EXPH5: variants seen among roughly 807,000 people sequenced by gnomAD.
EXPH5 encodes the protein exophilin-5.
EXPH5 carries 42 observed loss-of-function variants against 41.1 expected under a neutral mutation model. The ratio of observed to expected loss-of-function variants is 1.02; its 90% confidence interval spans 0.80 to 1.32. EXPH5 has a LOEUF of 1.32. Ranked by LOEUF, EXPH5 falls within the 40% of genes most tolerant of loss-of-function variation. EXPH5 has a pLI of 0.00. For synonymous variants in EXPH5, 798 were observed against 833.5 expected (o/e 0.96, Z 0.73); for missense variants, 2,298 against 2,314.5 (o/e 0.99, Z 0.15).
rs1565782065 is a variant in EXPH5 at position 108,514,604 on chromosome 11, C to T, written c.903G>A (p.Arg301=). 1 of 1,613,770 alleles carries T rather than the reference C, an allele frequency of 6.2e-7. No homozygotes were observed. The highest frequency in any genetic ancestry group is 8.5e-7 in the Non-Finnish European group (1 of 1,179,866). The part of the protein sequence containing the change: ...TSTIYDMYRT[R]EPRVFKEDYV... ...AATCTTCTTTAAAGACTCTGGGCTC[C>T]CTTGTCCTATACATATCATAAATTG... Residue 301 remains arginine (R), a synonymous_variant, in exon 6 of 6, where the codon AGG becomes AGA. Coordinates refer to ENST00000265843, the MANE Select transcript of EXPH5 (RefSeq NM_015065.3).
In EXPH5 at chr11:108,509,777, T is replaced by C. The variant is rs915659323; in HGVS notation, c.5730A>G (p.Leu1910=). The C allele has an allele frequency of 9.9e-6, 16 of 1,608,418 alleles. No individual in the cohort carries two copies. The highest frequency in any genetic ancestry group is 1.4e-5 in the Non-Finnish European group (16 of 1,178,576). ...GGTTCTTAAGAAAACTTGGTTTCCA[T>C]AATCTTCCTTGTGTAAGTGACCTCT... ...NVKRSLTQGR[L]WKPSFLKNPG... The change falls in exon 6 of 6, where the codon TTA becomes TTG. Residue 1910 remains leucine (L), a synonymous_variant. Transcript: ENST00000265843.
chr11:108,514,395 AT>A lies in EXPH5; in HGVS notation c.1111del (p.Ile371SerfsTer19). The A allele has an allele frequency of 6.2e-7, 1 of 1,614,068 alleles. No individual in the cohort carries two copies. Among genetic ancestry groups the A allele is most frequent in the Non-Finnish European group, 8.5e-7 (1 of 1,179,990 alleles). On this transcript the variant is annotated frameshift_variant, in exon 6 of 6. Transcript: ENST00000265843. LOFTEE classifies it low-confidence loss of function (END_TRUNC). ...AGAGGAATCTGATCTGTTCCATATGATGGATGATAAAGGAGTTCTCTTTGGA... is the reference window on the plus strand; with the variant it reads ...AGAGGAATCTGATCTGTTCCATATGAGGATGATAAAGGAGTTCTCTTTGGA... ...QSPKRTPLSS[I>X]IWNRSDSSRD...
At chr11:108,534,684 C>G (rs2093867537) in intron 3 of EXPH5, among the ~76,000 whole-genome samples, 1 of 152,202 alleles carries the variant, frequency 6.6e-6, no homozygotes, top group Non-Finnish European at 1.5e-5. Context: ...GTTTTCCTGG[C>G]AGGAACATCA....
chr11:108,519,941 ACT>A (rs2093754058), intron 4 of EXPH5, among the ~76,000 whole-genome samples: 1 of 96,598 alleles, frequency 1.0e-5, no homozygotes, highest in Non-Finnish European at 2.0e-5. Context: ...ACAGAGGGAG[ACT>A]CTGTCTCAAA....
intron 1 of EXPH5, among the ~76,000 whole-genome samples, chr11:108,586,033 G>A (rs2094111933): frequency 6.6e-6 from 1 of 152,188 alleles, no homozygotes; most frequent in South Asian, 2.1e-4. Context: ...CCACCTCCCA[G>A]GTTGAAGTGA....
At chr11:108,598,295 T>C (rs1265736762), upstream of EXPH5, among the ~76,000 whole-genome samples, 6 of 152,190 alleles carry the variant, frequency 3.9e-5, no homozygotes, top group Non-Finnish European at 8.8e-5. Flanking sequence ...TTCATCTTCA[T>C]CTAAGAAATA....
At chr11:108,518,457 G>T in intron 4 of EXPH5, 84 bp from the exon 5 acceptor site, 3 of 1,255,922 alleles carry the variant, frequency 2.4e-6, no homozygotes, top group Non-Finnish European at 3.4e-6. Flanking sequence ...ACTGTCCCAA[G>T]CTTAAAAGTA....
chr11:108,516,263 C>G (rs1486465023), intron 5 of EXPH5, among the ~76,000 whole-genome samples: 1 of 151,896 alleles, frequency 6.6e-6, no homozygotes, highest in Non-Finnish European at 1.5e-5. Flanking sequence ...GCCCAGGGGC[C>G]CCCTTACGAT....
Position 108,511,900 on chromosome 11 carries a change from A to T in EXPH5, c.3607T>A (p.Phe1203Ile). 2 of 1,592,048 alleles carry T rather than the reference A, an allele frequency of 1.3e-6. No individual in the cohort carries two copies. The highest frequency in any genetic ancestry group is 2.7e-5 in the African/African-American group (2 of 73,658). Reference protein sequence around the residue: ...GKMAASRRSVFALSNEDPLPF... With the variant: ...GKMAASRRSVIALSNEDPLPF... ...AAAGGGTCTTCATTTGAAAGAGCAA[A>T]TACACTTCTCCTGGAGGCAGCCATT... Residue 1203 changes from phenylalanine (F) to isoleucine (I), a missense_variant, in exon 6 of 6, where the codon TTT becomes ATT. Phe to Ile is a conservative substitution (Grantham distance 21). Coordinates refer to ENST00000265843, the MANE Select transcript of EXPH5 (RefSeq NM_015065.3).
At chr11:108,541,528 G>T (rs2093912863) in intron 2 of EXPH5, 124 bp downstream of exon 2, 4 of 577,358 alleles carry the variant, frequency 6.9e-6, no homozygotes, top group South Asian at 3.0e-5. Flanking sequence ...AACTTTTGTG[G>T]CTTATGACTT....
At chr11:108,551,398 A>C (rs1006342457) in intron 1 of EXPH5, among the ~76,000 whole-genome samples, 1 of 152,166 alleles carries the variant, frequency 6.6e-6, no homozygotes. Context: ...AATAGCTTCC[A>C]TTTTCTTGTC....
At chr11:108,554,584 A>T (rs753179941) in intron 1 of EXPH5, among the ~76,000 whole-genome samples, 1 of 151,936 alleles carries the variant, frequency 6.6e-6, no homozygotes, top group Non-Finnish European at 1.5e-5. Flanking sequence ...TGGGGGTGGG[A>T]ATTATGTATC....
chr11:108,527,710 C>T (rs1030716547), intron 4 of EXPH5, among the ~76,000 whole-genome samples: 8 of 152,190 alleles, frequency 5.3e-5, no homozygotes, highest in South Asian at 2.1e-4. Flanking sequence ...AACCCTCATG[C>T]GAACTTTTTC....
In EXPH5 at chr11:108,513,754, TG is replaced by T; in HGVS notation, c.1752del (p.Met585Ter). ...TPHFGTPNVC[S>X]MTGSSYHVKS... ...TTGACGTGATAGCTTGAACCAGTCA[TG>T]GAGCAAACATTTGGTGTGCCAAAAT... is the stretch of plus-strand genomic sequence containing the variant. On this transcript the variant is annotated frameshift_variant, in exon 6 of 6. Transcript: ENST00000265843. LOFTEE classifies it low-confidence loss of function (END_TRUNC). 1 of 1,609,122 alleles carries T rather than the reference TG, an allele frequency of 6.2e-7. No homozygotes were observed. Among genetic ancestry groups the T allele is most frequent in the Non-Finnish European group, 8.5e-7 (1 of 1,178,074 alleles).
At chr11:108,558,287 A>C (rs2093998199) in intron 1 of EXPH5, among the ~76,000 whole-genome samples, 1 of 152,172 alleles carries the variant, frequency 6.6e-6, no homozygotes, top group Admixed American at 6.5e-5. Flanking sequence ...ACAGGGTCTC[A>C]CTATGTTGCC....
At chr11:108,573,069 T>A (rs1470463562) in intron 1 of EXPH5, among the ~76,000 whole-genome samples, 218 of 52,636 alleles carry the variant, frequency 4.1e-3, no homozygotes, top group Non-Finnish European at 5.3e-3. Flanking sequence ...TTGAAAAAAA[T>A]AAGAGAGAGA....
At chr11:108,582,790 A>C (rs35771441) in intron 1 of EXPH5, among the ~76,000 whole-genome samples, 37,706 of 152,090 alleles carry the variant, frequency 0.25, 5,241 homozygotes, top group South Asian at 0.37. Flanking sequence ...CTAGCTTCTG[A>C]AGTAGTTCCT....
chr11:108,561,665 GTTC>G (rs2094012187), intron 1 of EXPH5, among the ~76,000 whole-genome samples: 2 of 152,146 alleles, frequency 1.3e-5, no homozygotes, highest in African/African-American at 4.8e-5. Context: ...AATTCTATTT[GTTC>G]TATTTTGGAG....
intron 1 of EXPH5, among the ~76,000 whole-genome samples, chr11:108,562,771 T>G (rs2094018664): frequency 6.6e-6 from 1 of 152,208 alleles, no homozygotes; most frequent in Non-Finnish European, 1.5e-5. Flanking sequence ...AAGGCCAGCC[T>G]GGGCAACATG....
Sources: allele counts gnomAD v4.1 joint callset (sites outside exome capture counted in the v4.1 genomes callset), GRCh38; gene constraint gnomAD v4.1.1; transcripts MANE v1.5; gene names NCBI Gene and HGNC (gene_info 2026-07-23, HGNC 2026-07-21).